The following FABP6 variants were observed in gnomAD, a reference collection of about 807,000 sequenced individuals.
FABP6 encodes gastrotropin.
Under a neutral mutation model 14.9 loss-of-function variants are expected in FABP6, and 13 were observed. That is an observed-to-expected ratio of 0.87 (90% CI 0.57 to 1.39). FABP6 has a LOEUF of 1.39. Among genes scored for constraint, FABP6 ranks in the 40% most tolerant of loss-of-function variants. The probability of loss-of-function intolerance (pLI) is 0.00; values close to 1 mark genes in which losing one functional copy is unlikely to be tolerated. For synonymous variants in FABP6, 75 were observed against 63.6 expected (o/e 1.18, Z -0.85); for missense variants, 161 against 167.2 (o/e 0.96, Z 0.20).
At chr5:160,212,400 C>T (rs182681085) in intron 2 of FABP6, among the ~76,000 whole-genome samples, 66 of 151,994 alleles carry the variant, frequency 4.3e-4, no homozygotes, top group Admixed American at 3.9e-3. Context: ...ATGACCTGCC[C>T]ATCTCAGCCT....
upstream of FABP6, among the ~76,000 whole-genome samples, chr5:160,225,408 T>C (rs1178086681): frequency 6.7e-6 from 1 of 148,662 alleles, no homozygotes; most frequent in Non-Finnish European, 1.5e-5. Context: ...CCTTTTTTTT[T>C]TTTTTTTTTT....
chr5:160,237,204 G>A (rs1760535961), intron 3 of FABP6, among the ~76,000 whole-genome samples: 1 of 152,018 alleles, frequency 6.6e-6, no homozygotes, highest in Non-Finnish European at 1.5e-5. Flanking sequence ...CATAGGGCAG[G>A]AGAACTGGAA....
intron 3 of FABP6, among the ~76,000 whole-genome samples, chr5:160,222,586 A>T (rs1192342792): frequency 6.6e-6 from 1 of 152,164 alleles, no homozygotes; most frequent in Non-Finnish European, 1.5e-5. Flanking sequence ...CACCCACCTC[A>T]GCCTCCCAAA....
chr5:160,220,619 A>T (rs973846656), intron 3 of FABP6, among the ~76,000 whole-genome samples: 3 of 151,790 alleles, frequency 2.0e-5, no homozygotes, highest in African/African-American at 2.4e-5. Flanking sequence ...ATTATTATTA[A>T]TAATAAATAA....
intron 1 of FABP6, among the ~76,000 whole-genome samples, chr5:160,194,520 A>C (rs1759471394): frequency 6.6e-6 from 1 of 152,192 alleles, no homozygotes; most frequent in Non-Finnish European, 1.5e-5. Flanking sequence ...CAGCCTGGGC[A>C]ATGGAGCAAG....
chr5:160,228,120 G>A (rs1302298387), upstream of FABP6, among the ~76,000 whole-genome samples: 1 of 152,066 alleles, frequency 6.6e-6, no homozygotes, highest in African/African-American at 2.4e-5. Context: ...GGCCGGGTGT[G>A]GTGGCTCACG....
rs746310693 is a variant in FABP6 at position 160,214,084 on chromosome 5, CCTTTCTCTTTCTTTCTTTCTTT to C, written c.135+272_135+293del. On this transcript the variant is annotated intron_variant, in intron 3 of 6. Transcript: ENST00000393980. ...AGCTAGCTCAAGTAGGTTTTGCCTG[CCTTTCTCTTTCTTTCTTTCTTT>C]CTTTCTTTCTTTCTTTCTTTCTTTC... 2.3e-3 allele frequency among the ~76,000 whole-genome samples: 349 copies of C among 149,994 alleles called. 2 individuals are homozygous for C. The highest frequency in any genetic ancestry group is 5.1e-3 in the African/African-American group (207 of 40,716).
At chr5:160,227,525 C>CAAAAAAAAAAAAA (rs10645896), upstream of FABP6, among the ~76,000 whole-genome samples, 1 of 99,520 alleles carries the variant, frequency 1.0e-5, no homozygotes. Context: ...GACTTCACTT[C>CAAAAAAAAAAAAA]AAAAAAAAAA....
Position 160,229,610 on chromosome 5 carries a change from T to A in FABP6, c.53T>A (p.Phe18Tyr), listed in dbSNP as rs759167121. The A allele has an allele frequency of 5.6e-6, 9 of 1,613,806 alleles. No homozygotes were observed. The highest frequency in any genetic ancestry group is 5.0e-5 in the Admixed American group (3 of 59,986). Residue 18 changes from phenylalanine to tyrosine, a missense_variant, in exon 1 of 4, where the codon TTC becomes TAC. Phe to Tyr is a conservative substitution (Grantham distance 22). Coordinates refer to ENST00000402432, the MANE Select transcript of FABP6 (RefSeq NM_001445.3). ...GAGAGTGAGAAGAATTATGATGAGT[T>A]CATGAAGCTCCTTGGTGAGTGAGCT... ...EMESEKNYDE[F>Y]MKLLGISSDV...
At chr5:160,202,254 G>A (rs551464048) in intron 2 of FABP6, among the ~76,000 whole-genome samples, 65 of 152,272 alleles carry the variant, frequency 4.3e-4, no homozygotes, top group African/African-American at 1.4e-3. Flanking sequence ...GCATAGAAAA[G>A]GGACCTGAAC....
intron 1 of FABP6, among the ~76,000 whole-genome samples, chr5:160,194,746 AC>A (rs1432282025): frequency 2.0e-5 from 3 of 151,576 alleles, no homozygotes; most frequent in African/African-American, 7.3e-5. Flanking sequence ...CTCATGTCCC[AC>A]CTTGATGGCA....
chr5:160,203,247 C>T (rs72810197), intron 2 of FABP6, among the ~76,000 whole-genome samples: 11 of 152,094 alleles, frequency 7.2e-5, no homozygotes, highest in South Asian at 2.1e-4. Flanking sequence ...AAAGCAGAAA[C>T]GGGGAACAAA....
At chr5:160,223,362 T>TTCCTTCCTTCCTTCC (rs530428957) in intron 3 of FABP6, among the ~76,000 whole-genome samples, 698 of 32,962 alleles carry the variant, frequency 0.021, 14 homozygotes, top group Middle Eastern at 0.041. Flanking sequence ...TCCTTCCTTC[T>TTCCTTCCTTCCTTCC]TTCCCTCCCT....
intron 3 of FABP6, among the ~76,000 whole-genome samples, chr5:160,235,841 G>A (rs1760502529): frequency 6.6e-6 from 1 of 151,964 alleles, no homozygotes; most frequent in Non-Finnish European, 1.5e-5. Context: ...GAGGAAAGGA[G>A]CACACTGCCT....
chr5:160,222,352 G>A (rs893113338), intron 3 of FABP6, among the ~76,000 whole-genome samples: 2 of 151,608 alleles, frequency 1.3e-5, no homozygotes, highest in East Asian at 1.9e-4. Context: ...CTTTTCTTTT[G>A]AGATGGAGTC....
intron 1 of FABP6, among the ~76,000 whole-genome samples, chr5:160,188,175 C>T (rs12110304): frequency 0.59 from 88,855 of 151,722 alleles, 26,137 homozygotes; most frequent in African/African-American, 0.62. Flanking sequence ...TCCAGAGGGG[C>T]GGGAAGCCCT....
At chr5:160,232,050 G>C in intron 1 of FABP6, 48 bp from the exon 2 acceptor site, 3 of 1,599,340 alleles carry the variant, frequency 1.9e-6, no homozygotes, top group Non-Finnish European at 2.6e-6. Context: ...CAAACCACAG[G>C]GTTAAAAGCA....
chr5:160,188,158 C>T (rs1395423356), intron 1 of FABP6, among the ~76,000 whole-genome samples: 1 of 152,074 alleles, frequency 6.6e-6, no homozygotes, highest in Non-Finnish European at 1.5e-5. Flanking sequence ...AGGGGCCGGG[C>T]TAGGATTCCA....
At chr5:160,234,430 T>TC (rs907423355) in intron 2 of FABP6, among the ~76,000 whole-genome samples, 3 of 148,292 alleles carry the variant, frequency 2.0e-5, no homozygotes, top group African/African-American at 7.5e-5. Flanking sequence ...TAAATTCATT[T>TC]TTTTTTTTTT....
Sources: allele counts gnomAD v4.1 joint callset (sites outside exome capture counted in the v4.1 genomes callset), GRCh38; gene constraint gnomAD v4.1.1; transcripts MANE v1.5; gene names NCBI Gene and HGNC (gene_info 2026-07-23, HGNC 2026-07-21).